The following WWC1 variants were observed in gnomAD, a reference collection of about 807,000 sequenced individuals.
WWC1 encodes WW and C2 domain containing 1, also known as protein KIBRA.
Under a neutral mutation model 138.4 loss-of-function variants are expected in WWC1, and 55 were observed. That is an observed-to-expected ratio of 0.40 (90% CI 0.32 to 0.50). WWC1 has a LOEUF of 0.50. Ranked by LOEUF, WWC1 falls within the 20% of genes least tolerant of loss-of-function variation. WWC1 has a pLI of 0.72. For synonymous variants in WWC1, 524 were observed against 564.9 expected (o/e 0.93, Z 1.03); for missense variants, 1,226 against 1,420.4 (o/e 0.86, Z 2.20).
intron 1 of WWC1, among the ~76,000 whole-genome samples, chr5:168,342,158 G>T (rs529526092): frequency 6.6e-6 from 1 of 152,322 alleles, no homozygotes; most frequent in East Asian, 1.9e-4. Flanking sequence ...CTTACTGAAA[G>T]ACTTTCAGAT....
In WWC1 at chr5:168,465,281, T is replaced by A. The variant is rs558585992; in HGVS notation, c.3150+319T>A. ...TTCATGAAATACGTAGGGTACCCAG[T>A]CTGTGCCACAGCACGCACTTTAAAA... On this transcript the variant is annotated intron_variant, in intron 21 of 22. Coordinates refer to ENST00000265293, the MANE Select transcript of WWC1 (RefSeq NM_015238.3). 3.2e-4 allele frequency among the ~76,000 whole-genome samples: 48 copies of A among 152,304 alleles called. 1 individual carries two copies. In the South Asian group the frequency reaches 4.1e-3, roughly 13 times the overall value.
rs202108037 is a variant in WWC1 at position 168,414,570 on chromosome 5, G to A, written c.1164G>A (p.Gln388=). 697 of 1,552,802 alleles carry A rather than the reference G, an allele frequency of 4.5e-4. No homozygotes were observed. The highest frequency in any genetic ancestry group is 1.8e-3 in the Admixed American group (93 of 51,386). ...ACCTGCAGGCAGCCCGGGACACCCA[G>A]AGCAAGGCGCTGACGGAGAGGTGGG... ...EKDLQAARDT[Q]SKALTERLKL... The change falls in exon 9 of 23, where the codon CAG becomes CAA. Residue 388 remains glutamine (Q), a synonymous_variant. Transcript: ENST00000265293.
intron 17 of WWC1, among the ~76,000 whole-genome samples, chr5:168,450,068 T>C (rs7720379): frequency 0.31 from 47,430 of 152,180 alleles, 8,723 homozygotes; most frequent in Middle Eastern, 0.45. Context: ...CTCGCCGAGC[T>C]AGCTAGCTGG....
At chr5:168,294,582 A>C (rs973201109) in intron 1 of WWC1, among the ~76,000 whole-genome samples, 2 of 151,820 alleles carry the variant, frequency 1.3e-5, no homozygotes, top group African/African-American at 2.4e-5. Context: ...CACCTTCTTC[A>C]TCTTGTGTCA....
intron 1 of WWC1, among the ~76,000 whole-genome samples, chr5:168,296,159 A>G (rs555595809): frequency 2.6e-5 from 4 of 152,336 alleles, no homozygotes; most frequent in African/African-American, 7.2e-5. Context: ...GAGGAAGAAT[A>G]GATCTTTGGG....
At chr5:168,407,942 A>G (rs1421130686) in intron 6 of WWC1, among the ~76,000 whole-genome samples, 2 of 151,428 alleles carry the variant, frequency 1.3e-5, no homozygotes, top group African/African-American at 2.4e-5. Context: ...AGCTCACTGC[A>G]GCGTCAAACT....
chr5:168,425,777 G>A (rs983911555), intron 11 of WWC1, among the ~76,000 whole-genome samples: 4 of 152,064 alleles, frequency 2.6e-5, no homozygotes, highest in African/African-American at 7.2e-5. Flanking sequence ...GGGATTACAG[G>A]CGTGAACCAC....
chr5:168,403,070 C>CTTTCTTTCTTTCTTTCT (rs1561712481), intron 5 of WWC1, among the ~76,000 whole-genome samples: 7 of 86,890 alleles, frequency 8.1e-5, no homozygotes, highest in African/African-American at 3.1e-4. Context: ...TTCTTTCTTT[C>CTTTCTTTCTTTCTTTCT]TTTCTTTCTT....
At chr5:168,441,941 A>G in intron 16 of WWC1, 107 bp downstream of exon 16, 3 of 1,441,692 alleles carry the variant, frequency 2.1e-6, no homozygotes, top group Non-Finnish European at 2.8e-6. Context: ...AGAGGAGAAC[A>G]ATGGGGTGGA....
chr5:168,371,349 G>A, intron 1 of WWC1, 75 bp from the exon 2 acceptor site: 2 of 1,068,472 alleles, frequency 1.9e-6, no homozygotes, highest in Non-Finnish European at 2.9e-6. Context: ...AAAGCAGGAG[G>A]CACAGGGAAG....
intron 3 of WWC1, among the ~76,000 whole-genome samples, chr5:168,396,012 A>G (rs1204471625): frequency 6.6e-6 from 1 of 152,206 alleles, no homozygotes; most frequent in Non-Finnish European, 1.5e-5. Flanking sequence ...ATTGCCAGCA[A>G]TCACCAAATA....
chr5:168,436,277 C>T (rs1454866077), intron 15 of WWC1, among the ~76,000 whole-genome samples: 1 of 152,144 alleles, frequency 6.6e-6, no homozygotes, highest in Non-Finnish European at 1.5e-5. Flanking sequence ...ACTCCACCTC[C>T]TTCAAAATCC....
chr5:168,409,167 G>C (rs1052848091), intron 7 of WWC1, among the ~76,000 whole-genome samples: 7 of 152,190 alleles, frequency 4.6e-5, no homozygotes, highest in African/African-American at 1.7e-4. Flanking sequence ...GAAAGAGTTA[G>C]AGTAGGGCTG....
chr5:168,408,593 G>A lies in WWC1; in HGVS notation c.807G>A (p.Ser269=), dbSNP rs199810571. ...CCAGCAGCAGCTCTCTGGAGAGTTCGAGTTTCCCGCTACCGAAACAGTACC... is the reference window on the plus strand; with the variant it reads ...CCAGCAGCAGCTCTCTGGAGAGTTCAAGTTTCCCGCTACCGAAACAGTACC... ...LWSSSSSLES[S]SFPLPKQYLD... Residue 269 remains serine (S), a synonymous_variant, in exon 7 of 23, where the codon TCG becomes TCA. Transcript: ENST00000265293. 4.4e-5 allele frequency: 71 copies of A among 1,614,164 alleles called. 1 individual carries two copies. Among genetic ancestry groups the A allele is most frequent in the Non-Finnish European group, 5.5e-5 (65 of 1,180,026 alleles).
chr5:168,455,199 C>G (rs1425318002), intron 18 of WWC1, among the ~76,000 whole-genome samples, 157 bp from the exon 19 acceptor site: 1 of 152,142 alleles, frequency 6.6e-6, no homozygotes, highest in African/African-American at 2.4e-5. Flanking sequence ...CTGCACCAGG[C>G]TGAGCTCATC....
At chr5:168,310,869 T>C (rs1252233090) in intron 1 of WWC1, among the ~76,000 whole-genome samples, 4 of 149,912 alleles carry the variant, frequency 2.7e-5, no homozygotes, top group Non-Finnish European at 5.9e-5. Flanking sequence ...ATACGTTTCT[T>C]TTTACTGCTA....
At chr5:168,444,834 T>C (rs958161553) in intron 17 of WWC1, among the ~76,000 whole-genome samples, 1 of 149,714 alleles carries the variant, frequency 6.7e-6, no homozygotes, top group Non-Finnish European at 1.5e-5. Context: ...TGTTATTCTT[T>C]ATCTTGATAT....
chr5:168,443,294 C>T (rs77159827), intron 16 of WWC1, among the ~76,000 whole-genome samples: 1 of 152,136 alleles, frequency 6.6e-6, no homozygotes, highest in African/African-American at 2.4e-5. Flanking sequence ...TTCTCCTCCT[C>T]CTCTCCTTTC....
rs986059864 is a variant in WWC1 at position 168,469,737 on chromosome 5, A to G, written c.*720A>G. On this transcript the variant is annotated 3_prime_UTR_variant, in exon 23 of 23. Transcript: ENST00000265293. ...ACTCCATTCAGTTTTATCTCCATCA[A>G]TAAAGTGGCCTTTCAAAAAGAATCT... The G allele has an allele frequency of 2.6e-5, 4 of 152,146 alleles. No individual in the cohort carries two copies. The highest frequency in any genetic ancestry group is 7.2e-5 in the African/African-American group (3 of 41,416). The allele number at this position is 152,146 out of a possible 1,614,324, so 9.4% of individuals were successfully genotyped here.
Sources: allele counts gnomAD v4.1 joint callset (sites outside exome capture counted in the v4.1 genomes callset), GRCh38; gene constraint gnomAD v4.1.1; transcripts MANE v1.5; gene names NCBI Gene and HGNC (gene_info 2026-07-23, HGNC 2026-07-21).